Variants in COL4A4 observed in about 807,000 individuals in gnomAD.
COL4A4 encodes the protein collagen alpha-4(IV) chain.
In COL4A4, 105 loss-of-function variants were observed where a neutral mutation model predicts 192.9. That is an observed-to-expected ratio of 0.54 (90% CI 0.46 to 0.64). COL4A4 has a LOEUF of 0.64. Ranked by LOEUF, COL4A4 falls within the 30% of genes least tolerant of loss-of-function variation. The pLI is 0.00. For missense variants in COL4A4, 1,967 were observed against 2,169.3 expected, an observed-to-expected ratio of 0.91 and a Z score of 1.85; for synonymous variants, 762 against 769.9, an observed-to-expected ratio of 0.99 and a Z score of 0.17.
intron 25 of COL4A4, among the ~76,000 whole-genome samples, chr2:227,071,279 A>T (rs143884433): frequency 2.6e-5 from 4 of 152,254 alleles, no homozygotes; most frequent in South Asian, 2.1e-4. Flanking sequence ...AAACTTCAAA[A>T]TAACAATAGT....
At chr2:226,973,445 T>A in the COL4A4 span, among the ~76,000 whole-genome samples, 1 of 152,250 alleles carries the variant, frequency 6.6e-6, no homozygotes, top group Non-Finnish European at 1.5e-5. Flanking sequence ...TTTTCCACTC[T>A]GTTTCCTCAT....
chr2:227,102,424 G>A (rs2060574072), intron 15 of COL4A4, among the ~76,000 whole-genome samples: 1 of 152,284 alleles, frequency 6.6e-6, no homozygotes, highest in Middle Eastern at 3.4e-3. Context: ...GTGATGTTTG[G>A]AGCTTAATAT....
chr2:227,082,049 C>T, intron 23 of COL4A4, 66 bp downstream of exon 23: 2 of 1,309,612 alleles, frequency 1.5e-6, no homozygotes, highest in Non-Finnish European at 2.2e-6. Context: ...GGGGAAATTA[C>T]TGCAAGAGGA....
At chr2:227,078,161 C>A (rs538814236) in intron 24 of COL4A4, 84 bp from the exon 25 acceptor site, 9 of 1,366,266 alleles carry the variant, frequency 6.6e-6, no homozygotes, top group Non-Finnish European at 8.2e-6. Flanking sequence ...CAGAAACACA[C>A]GCAAAAGTCC....
the COL4A4 span, chr2:226,995,460 G>A: frequency 4.3e-6 from 7 of 1,612,960 alleles, no homozygotes; most frequent in East Asian, 6.7e-5. Context: ...ACCACCCTAC[G>A]GGTTTCATCT....
chr2:227,031,681 G>T (rs1968437137), intron 40 of COL4A4, among the ~76,000 whole-genome samples: 1 of 152,144 alleles, frequency 6.6e-6, no homozygotes, highest in African/African-American at 2.4e-5. Flanking sequence ...AGAAACGCTT[G>T]CTTATCAGTT....
chr2:226,999,341 G>C (rs945408807), downstream of COL4A4: 1 of 151,888 alleles, frequency 6.6e-6, no homozygotes, highest in Non-Finnish European at 1.5e-5. Flanking sequence ...GAAAGCATTT[G>C]CTGGTAGAAA....
chr2:227,016,225 C>T (rs1236682741), intron 44 of COL4A4, among the ~76,000 whole-genome samples: 3 of 152,110 alleles, frequency 2.0e-5, no homozygotes, highest in Non-Finnish European at 4.4e-5. Context: ...GGATAAAGAA[C>T]GATCGGGCCC....
downstream of COL4A4, among the ~76,000 whole-genome samples, chr2:227,000,750 C>T (rs1273152398): frequency 1.3e-5 from 2 of 151,876 alleles, no homozygotes; most frequent in African/African-American, 2.4e-5. Context: ...ACCCAAATCT[C>T]ATCTTGAATT....
chr2:227,138,684 A>C (rs2062993672), intron 4 of COL4A4, among the ~76,000 whole-genome samples: 1 of 152,144 alleles, frequency 6.6e-6, no homozygotes, highest in South Asian at 2.1e-4. Context: ...GATGAACAAA[A>C]TTTTTGATGT....
intron 19 of COL4A4, among the ~76,000 whole-genome samples, chr2:227,095,934 G>C (rs1191642649): frequency 1.3e-5 from 2 of 152,050 alleles, no homozygotes; most frequent in Non-Finnish European, 2.9e-5. Flanking sequence ...ATAGCCGGAA[G>C]CCTCTGTGAG....
the COL4A4 span, among the ~76,000 whole-genome samples, chr2:226,983,998 G>A: frequency 1.3e-5 from 2 of 152,224 alleles, no homozygotes; most frequent in East Asian, 1.9e-4. Context: ...GTATAGGAGG[G>A]TGAGCCATGC....
downstream of COL4A4, among the ~76,000 whole-genome samples, chr2:226,999,744 T>TAAAG (rs1355278210): frequency 6.6e-6 from 1 of 152,166 alleles, no homozygotes; most frequent in African/African-American, 2.4e-5. Context: ...TCATGTGGCT[T>TAAAG]AAAGAGACTC....
rs542363773 is a variant in COL4A4, at chr2:227,086,611, C to T, written c.1623+2042G>A. On this transcript the variant is annotated intron_variant, in intron 22 of 47. Coordinates refer to ENST00000396625, the MANE Select transcript of COL4A4 (RefSeq NM_000092.5). ...AACAGACCAGATACACAATCAGAAACGTGGCCAGCCTACAAAGGAAAGCCC... is the reference window on the plus strand; with the variant it reads ...AACAGACCAGATACACAATCAGAAATGTGGCCAGCCTACAAAGGAAAGCCC... Among the ~76,000 whole-genome samples, 28 of 152,164 alleles carry T rather than the reference C, an allele frequency of 1.8e-4. No homozygotes were observed. The East Asian group carries it at 4.6e-3, about 25-fold the overall frequency.
chr2:227,111,589 T>A, intron 9 of COL4A4, 89 bp downstream of exon 9: 1 of 1,417,222 alleles, frequency 7.1e-7, no homozygotes, highest in Non-Finnish European at 1.0e-6. Context: ...GCCGCACAAA[T>A]TATGTAGCTG....
At chr2:227,162,691 CAT>C (rs1473977426) in intron 1 of COL4A4, among the ~76,000 whole-genome samples, 1 of 152,160 alleles carries the variant, frequency 6.6e-6, no homozygotes, top group Non-Finnish European at 1.5e-5. Context: ...GAAATTTTCA[CAT>C]GTTCGTGAAA....
At chr2:227,101,084 A>ATG (rs2060493143) in intron 17 of COL4A4, among the ~76,000 whole-genome samples, 1 of 152,186 alleles carries the variant, frequency 6.6e-6, no homozygotes, top group Non-Finnish European at 1.5e-5. Context: ...CTGGGATTAC[A>ATG]GGCTTGAGCC....
chr2:227,060,101 G>GAAAAACAAAAA, intron 27 of COL4A4, 35 bp downstream of exon 27: 1 of 503,758 alleles, frequency 2.0e-6, no homozygotes, highest in South Asian at 2.2e-5. Flanking sequence ...TCCCAAAGCA[G>GAAAAACAAAAA]AAAAAAAAAA....
chr2:226,999,313 A>G (rs1224054226), downstream of COL4A4: 2 of 152,066 alleles, frequency 1.3e-5, no homozygotes, highest in Non-Finnish European at 2.9e-5. Flanking sequence ...AATCAATCAC[A>G]TCAAGGAAAG....
Sources: allele counts gnomAD v4.1 joint callset (sites outside exome capture counted in the v4.1 genomes callset), GRCh38; gene constraint gnomAD v4.1.1; transcripts MANE v1.5; gene names NCBI Gene and HGNC (gene_info 2026-07-23, HGNC 2026-07-21).